Variants in SPTBN5 observed in about 807,000 individuals in gnomAD.
SPTBN5 encodes the protein spectrin beta, non-erythrocytic 5.
SPTBN5 carries 513 observed loss-of-function variants against 477.6 expected under a neutral mutation model. That is an observed-to-expected ratio of 1.07 (90% CI 1.00 to 1.16). SPTBN5 has a LOEUF of 1.16. SPTBN5 is among the 50% of genes most tolerant of loss of function. The pLI is 0.00. For synonymous variants in SPTBN5, 2,169 were observed against 2,011.7 expected (o/e 1.08, Z -2.09); for missense variants, 5,062 against 4,731.8 (o/e 1.07, Z -2.05).
rs375626001 is a variant in SPTBN5, at chr15:41,855,770, G to A, written c.9022-25C>T. The A allele has an allele frequency of 4.0e-3, 6,096 of 1,533,078 alleles. 29 individuals are homozygous for A. Among genetic ancestry groups the A allele is most frequent in the Non-Finnish European group, 3.7e-3 (4,245 of 1,140,686 alleles). The allele number at this position is 1,533,078 out of a possible 1,614,324, so 95.0% of individuals were successfully genotyped here. A position where few individuals can be genotyped will look rare whatever the true frequency, so the allele number is the denominator to read the frequency against. ...GCTGGGGGTGACAGAGTGGAGATCC[G>A]TTTTCCCGGGGCACCCTCCAGGGCT... On this transcript the variant is annotated intron_variant, in intron 53 of 67. Transcript: ENST00000320955.
Position 41,875,026 on chromosome 15 carries a change from C to CA in SPTBN5, c.4317_4318insT (p.Gly1440TrpfsTer28). On this transcript the variant is annotated frameshift_variant, in exon 23 of 68. Transcript: ENST00000320955. LOFTEE classifies it high-confidence loss of function. ...CCTGTTTCCGAGCTCTGTAGGGCCC[C>CA]TTCGAGCTGCTCCAGCTGCTCCTTT... 1 of 1,613,154 alleles carries CA rather than the reference C, an allele frequency of 6.2e-7. No individual in the cohort carries two copies. Among genetic ancestry groups the CA allele is most frequent in the Non-Finnish European group, 8.5e-7 (1 of 1,179,618 alleles).
intron 64 of SPTBN5, 40 bp from the exon 65 acceptor site, chr15:41,851,190 C>T: frequency 2.5e-6 from 4 of 1,596,798 alleles, no homozygotes; most frequent in Non-Finnish European, 2.6e-6. Flanking sequence ...GCGGCCATCT[C>T]AGCTTTTCCC....
chr15:41,850,200 T>G (rs1031818021), intron 66 of SPTBN5: 3 of 517,880 alleles, frequency 5.8e-6, no homozygotes, highest in Non-Finnish European at 1.1e-5. Flanking sequence ...GAGCCTTTCT[T>G]AGGAGGTGGG....
Position 41,868,565 on chromosome 15 carries a change from G to A in SPTBN5, c.5890C>T (p.Gln1964Ter), listed in dbSNP as rs1398497299. 1 of 1,601,980 alleles carries A rather than the reference G, an allele frequency of 6.2e-7. No homozygotes were observed. Among genetic ancestry groups the A allele is most frequent in the South Asian group, 1.1e-5 (1 of 91,080 alleles). ...GAACTCTCCTCCACCTGCAGGTCCTGGCGCACGCGGGCTGCCCAGGAGGCA... is the reference window on the plus strand; with the variant it reads ...GAACTCTCCTCCACCTGCAGGTCCTAGCGCACGCGGGCTGCCCAGGAGGCA... ...DYASWAARVR[Q>*]DLQVEESSQE... The change falls in exon 33 of 68, where the codon CAG (glutamine) becomes TAG (stop). Residue 1964 changes from glutamine (Q) to a stop codon, truncating the protein, a stop_gained. Transcript: ENST00000320955. LOFTEE classifies it high-confidence loss of function.
In SPTBN5 at chr15:41,853,672, G is replaced by A. The variant is rs2065847282; in HGVS notation, c.9890C>T (p.Ala3297Val). Reference protein sequence around the residue: ...GGLAKVQEAWATLQAKAQERG... With the variant: ...GGLAKVQEAWVTLQAKAQERG... Reference sequence around the variant, plus strand: ...CTCCTGGGCCTTCGCCTGCAGGGTGGCCCAGGCCTCCTGCACCTTGGCCAG... The same window carrying A: ...CTCCTGGGCCTTCGCCTGCAGGGTGACCCAGGCCTCCTGCACCTTGGCCAG... The change falls in exon 58 of 68, where the codon GCC (alanine) becomes GTC (valine). Residue 3297 changes from alanine to valine, a missense_variant. Ala to Val is a moderately conservative substitution (Grantham distance 64). Transcript: ENST00000320955. 6.2e-7 allele frequency: 1 copy of A among 1,601,356 alleles called. No homozygotes were observed. The highest frequency in any genetic ancestry group is 8.5e-7 in the Non-Finnish European group (1 of 1,176,108).
chr15:41,868,581 C>T lies in SPTBN5; in HGVS notation c.5874G>A (p.Trp1958Ter). 6.2e-7 allele frequency: 1 copy of T among 1,600,328 alleles called. No individual in the cohort carries two copies. Among genetic ancestry groups the T allele is most frequent in the Non-Finnish European group, 8.5e-7 (1 of 1,179,592 alleles). Residue 1958 changes from tryptophan to a stop codon, truncating the protein, a stop_gained, in exon 33 of 68, where the codon TGG becomes TGA. Transcript: ENST00000320955. LOFTEE classifies it high-confidence loss of function. The part of the protein sequence containing the change: ...FRTAVRDYAS[W>*]AARVRQDLQV... ...GCAGGTCCTGGCGCACGCGGGCTGC[C>T]CAGGAGGCATAGTCACGCACCTGAT...
Position 41,885,910 on chromosome 15 carries a change from G to A in SPTBN5, c.1345C>T (p.Leu449=). ...GCTGGCGGGGCTCTGGCCTGGTCTA[G>A]CACCTGCTCTGCATCCTTAAGGAAA... ...ESFLKDAEQV[L]DQARAPPASL... is the part of the protein sequence containing the mutation. Residue 449 remains leucine (L), a synonymous_variant, in exon 7 of 68, where the codon CTA becomes TTA. Transcript: ENST00000320955. 1 of 1,584,198 alleles carries A rather than the reference G, an allele frequency of 6.3e-7. No individual in the cohort carries two copies. Among genetic ancestry groups the A allele is most frequent in the South Asian group, 1.1e-5 (1 of 87,294 alleles).
rs753753956 is a variant in SPTBN5 at position 41,854,190 on chromosome 15, G to A, written c.9634C>T (p.His3212Tyr). 3 of 1,599,278 alleles carry A rather than the reference G, an allele frequency of 1.9e-6. No homozygotes were observed. The highest frequency in any genetic ancestry group is 2.6e-6 in the Non-Finnish European group (3 of 1,173,324). ...GCCTGCTGAAAGCTGTGGACCTCAT[G>A]GGCTGCAGCCAAGTTCTGGGAGAGG... ...KARTENLAAAHEVHSFQQAAA... is the reference protein window; with the variant it reads ...KARTENLAAAYEVHSFQQAAA... The change falls in exon 57 of 68, where the codon CAT becomes TAT. Residue 3212 changes from histidine to tyrosine, a missense_variant. Transcript: ENST00000320955.
intron 26 of SPTBN5, among the ~76,000 whole-genome samples, chr15:41,873,022 G>A (rs2066597685): frequency 6.6e-6 from 1 of 152,176 alleles, no homozygotes; most frequent in Admixed American, 6.5e-5. Context: ...CCGAATTCAG[G>A]AGTGAGGAAG....
chr15:41,875,093 T>C (rs1322381595), intron 22 of SPTBN5, 37 bp from the exon 23 acceptor site: 5 of 1,561,724 alleles, frequency 3.2e-6, no homozygotes, highest in South Asian at 1.2e-5. Flanking sequence ...AGGTTCTCTG[T>C]GTACAGCACA....
intron 31 of SPTBN5, 32 bp downstream of exon 31, chr15:41,870,211 C>A: frequency 6.5e-7 from 1 of 1,538,748 alleles, no homozygotes; most frequent in Non-Finnish European, 8.8e-7. Flanking sequence ...GCTGCAGGGG[C>A]CTGGGTCGGA....
Position 41,886,049 on chromosome 15 carries a change from C to T in SPTBN5, c.1206G>A (p.Gly402=). 6.3e-7 allele frequency: 1 copy of T among 1,583,056 alleles called. No individual in the cohort carries two copies. Among genetic ancestry groups the T allele is most frequent in the Non-Finnish European group, 8.6e-7 (1 of 1,163,084 alleles). Residue 402 remains glycine, a synonymous_variant, in exon 7 of 68, where the codon GGG becomes GGA. Coordinates refer to ENST00000320955, the MANE Select transcript of SPTBN5 (RefSeq NM_016642.4). ...GLAELSQCWA[G]LEWAEAARSQ... is the part of the protein sequence containing the mutation. The stretch of plus-strand genomic sequence containing the variant: ...TCCTTGCAGCCTCTGCCCACTCCAG[C>T]CCTGCCCAGCACTGGGACAGCTCTG...
chr15:41,863,983 C>A lies in SPTBN5; in HGVS notation c.6960G>T (p.Leu2320Phe), dbSNP rs374965974. 3.1e-6 allele frequency: 5 copies of A among 1,613,712 alleles called. No individual in the cohort carries two copies. The highest frequency in any genetic ancestry group is 3.4e-6 in the Non-Finnish European group (4 of 1,179,882). The change falls in exon 40 of 68, where the codon TTG (leucine) becomes TTT (phenylalanine). Residue 2320 changes from leucine to phenylalanine, a missense_variant. Leu to Phe is a conservative substitution (Grantham distance 22, BLOSUM62 0). Transcript: ENST00000320955. ...GDACIRSISDLSLQLKNRDPE... is the reference protein window; with the variant it reads ...GDACIRSISDFSLQLKNRDPE... The stretch of plus-strand genomic sequence containing the variant: ...GGTCCCGGTTCTTGAGCTGCAGTGA[C>A]AAGTCACTGATGCTCCTGATGCAGG...
At position 41,881,028 on chromosome 15, in the gene SPTBN5, T is replaced by C; in HGVS notation, c.2658+6A>G. 1 of 1,559,944 alleles carries C rather than the reference T, an allele frequency of 6.4e-7. No homozygotes were observed. The highest frequency in any genetic ancestry group is 8.7e-7 in the Non-Finnish European group (1 of 1,151,118). ...ACTCGAGCATTTCTTGAAAAAGAAG[T>C]GTTACCTGTGCCAGGGCCCGCAGAC... On this transcript the variant is annotated splice_donor_region_variant and intron_variant, in intron 13 of 67. Coordinates refer to ENST00000320955, the MANE Select transcript of SPTBN5 (RefSeq NM_016642.4).
Position 41,867,072 on chromosome 15 carries a change from G to A in SPTBN5, c.6367C>T (p.Arg2123Trp), listed in dbSNP as rs983240072. Residue 2123 changes from arginine to tryptophan, a missense_variant, in exon 36 of 68, where the codon CGG (arginine) becomes TGG (tryptophan). By Grantham distance (101) the Arg-to-Trp change is moderately radical. Coordinates refer to ENST00000320955, the MANE Select transcript of SPTBN5 (RefSeq NM_016642.4). Reference protein sequence around the residue: ...KTLRRPRVRDRLPILLQRRMR... With the variant: ...KTLRRPRVRDWLPILLQRRMR... ...CGGCGCTGCAGCAGGATGGGAAGCC[G>A]GTCCCGCACCCGGGGGCGCCGGAGC... 10 of 1,548,318 alleles carry A rather than the reference G, an allele frequency of 6.5e-6. No homozygotes were observed. Among genetic ancestry groups the A allele is most frequent in the East Asian group, 2.4e-5 (1 of 41,062 alleles).
At chr15:41,875,645 G>A (rs778788607) in intron 21 of SPTBN5, 23 bp from the exon 22 acceptor site, 16 of 1,557,806 alleles carry the variant, frequency 1.0e-5, no homozygotes, top group Middle Eastern at 1.7e-4. Flanking sequence ...TAAAGGCCCA[G>A]GGAGTTTGGC....
chr15:41,853,756 G>T lies in SPTBN5; in HGVS notation c.9806C>A (p.Ala3269Glu). The T allele has an allele frequency of 6.3e-7, 1 of 1,577,408 alleles. No individual in the cohort carries two copies. The highest frequency in any genetic ancestry group is 8.6e-7 in the Non-Finnish European group (1 of 1,161,736). The change falls in exon 58 of 68, where the codon GCA becomes GAA. Residue 3269 changes from alanine (A) to glutamate (E), a missense_variant. Physicochemically the swap from Ala to Glu is moderately radical, Grantham distance 107. Coordinates refer to ENST00000320955, the MANE Select transcript of SPTBN5 (RefSeq NM_016642.4). ...RELEAMEKEV[A>E]RLQTEACRLG... Reference sequence around the variant, plus strand: ...TCGGCAGGCCTCCGTCTGTAGCCGTGCCACCTCCTTCTCCATAGCTTCCAG... The same window carrying T: ...TCGGCAGGCCTCCGTCTGTAGCCGTTCCACCTCCTTCTCCATAGCTTCCAG...
chr15:41,890,129 A>T lies in SPTBN5; in HGVS notation c.461T>A (p.Ile154Asn). The T allele has an allele frequency of 6.2e-7, 1 of 1,613,192 alleles. No individual in the cohort carries two copies. The highest frequency in any genetic ancestry group is 8.5e-7 in the Non-Finnish European group (1 of 1,179,598). The change falls in exon 4 of 68, where the codon ATC becomes AAC. Residue 154 changes from isoleucine to asparagine, a missense_variant. Ile to Asn is a moderately radical substitution (Grantham distance 149). Transcript: ENST00000320955. ...QTLILGLIWV[I>N]ILRFQISHIS... ...GTGGGAGATCTGGAAACGCAGAATG[A>T]TGACCCAGATGAGTCCCAGGATGAG...
At chr15:41,858,534 C>T in intron 49 of SPTBN5, 68 bp downstream of exon 49, 2 of 1,541,838 alleles carry the variant, frequency 1.3e-6, no homozygotes, top group African/African-American at 1.4e-5. Context: ...TCAGCACCAG[C>T]TCTGGGGCAC....
Sources: allele counts gnomAD v4.1 joint callset (sites outside exome capture counted in the v4.1 genomes callset), GRCh38; gene constraint gnomAD v4.1.1; transcripts MANE v1.5; gene names NCBI Gene and HGNC (gene_info 2026-07-23, HGNC 2026-07-21).